The following MXI1 variants were observed in gnomAD, a reference collection of about 807,000 sequenced individuals.
MXI1 encodes max-interacting protein 1.
MXI1 carries 18 observed loss-of-function variants against 36.9 expected under a neutral mutation model. The ratio of observed to expected loss-of-function variants is 0.49; its 90% CI spans 0.34 to 0.72. MXI1 has a LOEUF of 0.72. MXI1 is among the 30% of genes least tolerant of loss of function. The pLI, the probability that MXI1 is intolerant of heterozygous loss-of-function variation, is 0.01. For missense variants in MXI1, 304 were observed against 379.1 expected (o/e 0.80, Z 1.64); for synonymous variants, 160 against 146.7 (o/e 1.09, Z -0.65).
intron 3 of MXI1, among the ~76,000 whole-genome samples, chr10:110,273,241 G>A (rs1292258037): frequency 6.6e-6 from 1 of 151,738 alleles, no homozygotes; most frequent in Non-Finnish European, 1.5e-5. Flanking sequence ...TAGAGATGGG[G>A]TTTCACCGTG....
intron 5 of MXI1, among the ~76,000 whole-genome samples, chr10:110,284,134 G>GTT (rs964853179): frequency 7.0e-6 from 1 of 142,764 alleles, no homozygotes; most frequent in Admixed American, 7.0e-5. Flanking sequence ...TATTTGTGGT[G>GTT]TTTTTTTTTT....
At chr10:110,268,617 C>T (rs574180992) in intron 3 of MXI1, among the ~76,000 whole-genome samples, 22 of 152,106 alleles carry the variant, frequency 1.4e-4, no homozygotes, top group African/African-American at 3.4e-4. Context: ...TCTGTAAGTG[C>T]CCTACTATAT....
At chr10:110,222,301 A>G (rs1590332809) in intron 1 of MXI1, among the ~76,000 whole-genome samples, 1 of 152,334 alleles carries the variant, frequency 6.6e-6, no homozygotes, top group East Asian at 1.9e-4. Flanking sequence ...AACACTTTGC[A>G]GTTTCAGGGA....
intron 3 of MXI1, among the ~76,000 whole-genome samples, chr10:110,245,506 G>C (rs1413140993): frequency 6.6e-6 from 1 of 152,152 alleles, no homozygotes; most frequent in Non-Finnish European, 1.5e-5. Flanking sequence ...TTTGAAGGGA[G>C]TCTTGGAAAG....
intron 2 of MXI1, among the ~76,000 whole-genome samples, chr10:110,232,643 C>G (rs1457690121): frequency 6.6e-6 from 1 of 152,110 alleles, no homozygotes; most frequent in African/African-American, 2.4e-5. Context: ...ATCACAGTGC[C>G]CCGTAAATAG....
chr10:110,262,814 G>A (rs980771448), intron 3 of MXI1, among the ~76,000 whole-genome samples: 2 of 152,010 alleles, frequency 1.3e-5, no homozygotes, highest in East Asian at 1.9e-4. Flanking sequence ...TTTCTGATTC[G>A]CAGACCAGAG....
intron 1 of MXI1, among the ~76,000 whole-genome samples, chr10:110,210,771 C>T (rs1854491841): frequency 6.6e-6 from 1 of 152,240 alleles, no homozygotes; most frequent in Non-Finnish European, 1.5e-5. Flanking sequence ...GCTCGCTGCA[C>T]ACAATGCCCG....
chr10:110,244,501 T>G (rs537598757), intron 2 of MXI1, among the ~76,000 whole-genome samples: 2 of 151,058 alleles, frequency 1.3e-5, no homozygotes, highest in South Asian at 2.1e-4. Context: ...AGGATTATGT[T>G]TAAAATTTCT....
chr10:110,258,323 A>G (rs1370101897), intron 3 of MXI1, among the ~76,000 whole-genome samples: 3 of 152,138 alleles, frequency 2.0e-5, no homozygotes, highest in Non-Finnish European at 2.9e-5. Context: ...ACTTTTTTAG[A>G]CAGTAGGAGT....
chr10:110,230,949 T>G (rs1243801398), intron 2 of MXI1, among the ~76,000 whole-genome samples: 3 of 152,234 alleles, frequency 2.0e-5, no homozygotes, highest in African/African-American at 2.4e-5. Context: ...ACTATACATC[T>G]TGAACACTGA....
In MXI1 at chr10:110,214,087, G is replaced by A. The variant is rs188833010; in HGVS notation, c.274+6005G>A. On this transcript the variant is annotated intron_variant, in intron 1 of 5. Transcript: ENST00000332674. ...CCAAAGGATATATAGCTAGTAAGTC[G>A]CGGAGCTGAGTTTTGAACTTAGGCC... Among the ~76,000 whole-genome samples the A allele has an allele frequency of 9.2e-5, 14 of 152,286 alleles. No homozygotes were observed. In the East Asian group the frequency reaches 1.2e-3, roughly 13 times the overall value.
At chr10:110,233,828 G>C (rs1855360522) in intron 2 of MXI1, among the ~76,000 whole-genome samples, 1 of 152,060 alleles carries the variant, frequency 6.6e-6, no homozygotes, top group African/African-American at 2.4e-5. Context: ...CTATTGCTGG[G>C]TTTCTTAAGG....
At chr10:110,231,426 A>G (rs973420566) in intron 2 of MXI1, among the ~76,000 whole-genome samples, 2 of 147,104 alleles carry the variant, frequency 1.4e-5, no homozygotes, top group Non-Finnish European at 3.0e-5. Context: ...TCCTAATATT[A>G]TAAATTCCTA....
At chr10:110,222,839 C>A (rs1854851977) in intron 1 of MXI1, among the ~76,000 whole-genome samples, 2 of 152,188 alleles carry the variant, frequency 1.3e-5, no homozygotes, top group East Asian at 1.9e-4. Flanking sequence ...GCATTACTTT[C>A]CTGTGGATAG....
chr10:110,212,956 A>G (rs1257262268), intron 1 of MXI1, among the ~76,000 whole-genome samples: 1 of 152,234 alleles, frequency 6.6e-6, no homozygotes, highest in East Asian at 1.9e-4. Flanking sequence ...TGCATATAGC[A>G]CACCACTGGG....
chr10:110,239,107 C>A lies in MXI1; in HGVS notation c.408-5721C>A, dbSNP rs548455705. On this transcript the variant is annotated intron_variant, in intron 2 of 5. Coordinates refer to ENST00000332674, the MANE Select transcript of MXI1 (RefSeq NM_130439.3). ...TGGTTTTTATTATATTTCTCTACTTCAGTTTCTCAACGTTAGCAGTCTTGA... is the reference window on the plus strand; with the variant it reads ...TGGTTTTTATTATATTTCTCTACTTAAGTTTCTCAACGTTAGCAGTCTTGA... Among the ~76,000 whole-genome samples, 7 of 152,272 alleles carry A rather than the reference C, an allele frequency of 4.6e-5. No individual in the cohort carries two copies. The South Asian group carries it at 1.5e-3, about 32-fold the overall frequency.
At position 110,212,835 on chromosome 10, in the gene MXI1, GTACCATGCACTTCTC is replaced by G. The variant is rs1854543886; in HGVS notation, c.274+4757_274+4771del. 2.0e-5 allele frequency among the ~76,000 whole-genome samples: 3 copies of G among 152,274 alleles called. No homozygotes were observed. The South Asian group carries it at 6.2e-4, about 32-fold the overall frequency. Reference sequence around the variant, plus strand: ...CAACTTCTCTGAGCTTTGATAATCAGTACCATGCACTTCTCTACTTGCTTCCTGTGTGTTAGCTTT... The same window carrying G: ...CAACTTCTCTGAGCTTTGATAATCAGTACTTGCTTCCTGTGTGTTAGCTTT... On this transcript the variant is annotated intron_variant, in intron 1 of 5. Transcript: ENST00000332674.
At chr10:110,281,837 AGTT>A (rs374343806) in intron 5 of MXI1, among the ~76,000 whole-genome samples, 56 of 152,274 alleles carry the variant, frequency 3.7e-4, no homozygotes, top group East Asian at 3.5e-3. Context: ...TATTGTGTGT[AGTT>A]GTTGTTGCAC....
Position 110,249,448 on chromosome 10 carries a change from G to A in MXI1, c.437+4591G>A, listed in dbSNP as rs11195046. Among the ~76,000 whole-genome samples, 343 of 151,962 alleles carry A rather than the reference G, an allele frequency of 2.3e-3. 14 individuals carry two copies. In the East Asian group the frequency reaches 0.047, roughly 21 times the overall value. ...ACAAAAATTAGACAGGCATGGTGGT[G>A]CATCCTTGTAATCCCAACTTCTTGG... is the stretch of plus-strand genomic sequence containing the variant. On this transcript the variant is annotated intron_variant, in intron 3 of 5. Coordinates refer to ENST00000332674, the MANE Select transcript of MXI1 (RefSeq NM_130439.3).
Sources: allele counts gnomAD v4.1 joint callset (sites outside exome capture counted in the v4.1 genomes callset), GRCh38; gene constraint gnomAD v4.1.1; transcripts MANE v1.5; gene names NCBI Gene and HGNC (gene_info 2026-07-23, HGNC 2026-07-21).